Variants in HPSE2 observed in about 807,000 individuals in gnomAD.
HPSE2 encodes inactive heparanase-2.
Under a neutral mutation model 60.5 loss-of-function variants are expected in HPSE2, and 38 were observed. The ratio of observed to expected loss-of-function variants is 0.63; its 90% confidence interval spans 0.48 to 0.82. HPSE2 has a LOEUF of 0.82. HPSE2 is among the 40% of genes least tolerant of loss of function. The pLI is 0.00. For missense variants in HPSE2, 713 were observed against 740.4 expected, an observed-to-expected ratio of 0.96 and a Z score of 0.43; for synonymous variants, 295 against 293.2, an observed-to-expected ratio of 1.01 and a Z score of -0.06.
intron 8 of HPSE2, among the ~76,000 whole-genome samples, chr10:98,618,588 G>A (rs764510507): frequency 5.9e-5 from 9 of 152,022 alleles, no homozygotes; most frequent in Non-Finnish European, 7.4e-5. Flanking sequence ...GGTTTTATCT[G>A]GGGGGCATGG....
chr10:99,244,260 G>A, the HPSE2 span, among the ~76,000 whole-genome samples: 1 of 151,578 alleles, frequency 6.6e-6, no homozygotes, highest in African/African-American at 2.4e-5. Flanking sequence ...CTCGTGATCC[G>A]CCCACCTCAG....
intron 11 of HPSE2, among the ~76,000 whole-genome samples, chr10:98,474,196 A>G (rs1940902851): frequency 6.6e-6 from 1 of 152,210 alleles, no homozygotes; most frequent in Admixed American, 6.5e-5. Context: ...ACAAGTCTTC[A>G]TATTTTGTTT....
At chr10:98,907,547 C>G (rs950155787) in intron 3 of HPSE2, among the ~76,000 whole-genome samples, 1 of 152,138 alleles carries the variant, frequency 6.6e-6, no homozygotes, top group South Asian at 2.1e-4. Context: ...ATTCTTCTGA[C>G]AAGGCATGGT....
chr10:98,793,529 T>G (rs1459559104), intron 3 of HPSE2, among the ~76,000 whole-genome samples: 1 of 152,196 alleles, frequency 6.6e-6, no homozygotes, highest in Non-Finnish European at 1.5e-5. Context: ...ACAGACAAGG[T>G]CTGGCTATAT....
the HPSE2 span, among the ~76,000 whole-genome samples, chr10:99,313,881 G>A: frequency 1.3e-5 from 2 of 151,918 alleles, no homozygotes; most frequent in African/African-American, 4.8e-5. Flanking sequence ...TTACAGGCAT[G>A]AGTCACCGCG....
chr10:99,304,176 T>C, the HPSE2 span, among the ~76,000 whole-genome samples: 1 of 152,150 alleles, frequency 6.6e-6, no homozygotes, highest in Non-Finnish European at 1.5e-5. Context: ...GAGGACTAAC[T>C]AAAACAGGGC....
chr10:98,936,141 G>A (rs1954783220), intron 3 of HPSE2, among the ~76,000 whole-genome samples: 1 of 144,548 alleles, frequency 6.9e-6, no homozygotes, highest in South Asian at 2.1e-4. Context: ...AATGGTAGTT[G>A]CATCACCCCT....
At chr10:98,490,292 C>CAT (rs1323824835) in intron 9 of HPSE2, 96 bp from the exon 10 acceptor site, 64 of 1,014,030 alleles carry the variant, frequency 6.3e-5, no homozygotes, top group Non-Finnish European at 9.3e-5. Flanking sequence ...CACACACACA[C>CAT]GGGCCAGAAA....
intron 3 of HPSE2, among the ~76,000 whole-genome samples, chr10:98,931,585 C>T (rs57715193): frequency 0.022 from 3,232 of 144,258 alleles, 442 homozygotes; most frequent in East Asian, 0.17. Context: ...AATATTGATT[C>T]TTCCTATCCA....
Position 98,854,165 on chromosome 10 carries a change from C to T in HPSE2, c.611-110109G>A, listed in dbSNP as rs139814074. On this transcript the variant is annotated intron_variant, in intron 3 of 11. Transcript: ENST00000370552. The stretch of plus-strand genomic sequence containing the variant: ...GGCCTCTGCTCTTTTTCTTAATTTC[C>T]TCTAGGCTACTTTACTTATATTGCA... 5.0e-3 allele frequency among the ~76,000 whole-genome samples: 766 copies of T among 152,110 alleles called. 7 individuals are homozygous for T. The highest frequency in any genetic ancestry group is 0.017 in the African/African-American group (709 of 41,508).
intron 3 of HPSE2, among the ~76,000 whole-genome samples, chr10:98,955,517 A>C (rs1955485439): frequency 6.6e-6 from 1 of 152,200 alleles, no homozygotes; most frequent in African/African-American, 2.4e-5. Flanking sequence ...GTAGGAATAT[A>C]AATTAGTTCA....
intron 4 of HPSE2, among the ~76,000 whole-genome samples, chr10:98,733,395 T>C (rs998328136): frequency 1.3e-5 from 2 of 152,220 alleles, no homozygotes; most frequent in East Asian, 3.8e-4. Flanking sequence ...GTGCTGGGAT[T>C]ACAGGCATTA....
intron 3 of HPSE2, among the ~76,000 whole-genome samples, chr10:98,974,336 T>C (rs1956033019): frequency 2.2e-5 from 1 of 45,782 alleles, no homozygotes; most frequent in African/African-American, 3.9e-5. Context: ...AAAGTTTTTT[T>C]GTTTGTTTGT....
intron 6 of HPSE2, among the ~76,000 whole-genome samples, 192 bp downstream of exon 6, chr10:98,693,708 A>C (rs1440312093): frequency 6.6e-6 from 1 of 152,246 alleles, no homozygotes; most frequent in African/African-American, 2.4e-5. Context: ...ATTTTTCTGA[A>C]AACAACCAAA....
At chr10:99,159,869 G>T (rs1846752158) in intron 2 of HPSE2, among the ~76,000 whole-genome samples, 1 of 152,152 alleles carries the variant, frequency 6.6e-6, no homozygotes, top group Admixed American at 6.5e-5. Flanking sequence ...GGCCAGGCAT[G>T]GTGGCTCACA....
intron 3 of HPSE2, among the ~76,000 whole-genome samples, chr10:98,923,822 T>C (rs1954361811): frequency 6.6e-6 from 1 of 152,158 alleles, no homozygotes; most frequent in Admixed American, 6.5e-5. Context: ...TATCTTAAGT[T>C]TCTTTGAGTT....
intron 3 of HPSE2, among the ~76,000 whole-genome samples, chr10:98,872,791 G>A (rs1054715193): frequency 6.6e-5 from 10 of 152,178 alleles, no homozygotes; most frequent in East Asian, 1.9e-4. Flanking sequence ...TTATCAATTC[G>A]GAGTACGAAG....
intron 3 of HPSE2, among the ~76,000 whole-genome samples, chr10:98,935,768 G>A (rs1224694403): frequency 6.9e-6 from 1 of 144,922 alleles, no homozygotes; most frequent in Non-Finnish European, 1.5e-5. Context: ...ATGGGGTCAG[G>A]GACCCTCCTG....
chr10:98,591,378 A>G (rs1209136101), intron 9 of HPSE2, among the ~76,000 whole-genome samples: 1 of 152,162 alleles, frequency 6.6e-6, no homozygotes, highest in Admixed American at 6.5e-5. Flanking sequence ...AGATCAGGAT[A>G]TTGGCCAGGC....
Sources: allele counts gnomAD v4.1 joint callset (sites outside exome capture counted in the v4.1 genomes callset), GRCh38; gene constraint gnomAD v4.1.1; transcripts MANE v1.5; gene names NCBI Gene and HGNC (gene_info 2026-07-23, HGNC 2026-07-21).